SLC9A5: variants seen among roughly 807,000 people sequenced by gnomAD.
SLC9A5 encodes sodium/hydrogen exchanger 5.
A neutral mutation model predicts 91.7 loss-of-function variants in SLC9A5; 52 were observed. The observed-to-expected ratio is 0.57, with a 90% CI of 0.45 to 0.71. The LOEUF is 0.71. Ranked by LOEUF, SLC9A5 falls within the 30% of genes least tolerant of loss-of-function variation. SLC9A5 has a pLI of 0.00. For missense variants in SLC9A5, 871 were observed against 1,158.9 expected, an observed-to-expected ratio of 0.75 and a Z score of 3.61; for synonymous variants, 419 against 474.5, an observed-to-expected ratio of 0.88 and a Z score of 1.52.
intron 12 of SLC9A5, chr16:67,262,368 T>G: frequency 2.3e-6 from 1 of 431,444 alleles, no homozygotes; most frequent in Non-Finnish European, 4.7e-6. Context: ...CATCGAAATA[T>G]CATTAGAGAG....
rs767547443 is a variant in SLC9A5, at chr16:67,249,152, G to T, written c.138G>T (p.Ala46=). 1 of 1,562,708 alleles carries T rather than the reference G, an allele frequency of 6.4e-7. No homozygotes were observed. The highest frequency in any genetic ancestry group is 8.6e-7 in the Non-Finnish European group (1 of 1,160,216). ...GCTGGCAGTGGCACGAGGTGGAGGCGCCCTACCTGGTGGCCCTGTGGATCC... is the reference window on the plus strand; with the variant it reads ...GCTGGCAGTGGCACGAGGTGGAGGCTCCCTACCTGGTGGCCCTGTGGATCC... ...LFRWQWHEVE[A]PYLVALWILV... Residue 46 remains alanine, a synonymous_variant, in exon 1 of 16, where the codon GCG becomes GCT. Coordinates refer to ENST00000299798, the MANE Select transcript of SLC9A5 (RefSeq NM_004594.3).
At chr16:67,262,411 T>C (rs2035561704) in intron 12 of SLC9A5, 1 of 378,750 alleles carries the variant, frequency 2.6e-6, no homozygotes, top group East Asian at 7.3e-5. Flanking sequence ...GTTAGAAAGA[T>C]AAGATTATAG....
intron 12 of SLC9A5, among the ~76,000 whole-genome samples, chr16:67,260,814 C>A (rs896381721): frequency 1.3e-5 from 2 of 152,238 alleles, no homozygotes; most frequent in Admixed American, 6.5e-5. Context: ...AAAGGCCCAG[C>A]TCATCCAGGA....
chr16:67,264,999 A>G (rs1011756281), intron 13 of SLC9A5, 41 bp from the exon 14 acceptor site: 2 of 1,608,908 alleles, frequency 1.2e-6, no homozygotes, highest in Admixed American at 1.7e-5. Context: ...TGGGGTGGGA[A>G]GCCGGGGCCA....
Position 67,255,474 on chromosome 16 carries a change from C to A in SLC9A5, c.733+3C>A. 6.2e-7 allele frequency: 1 copy of A among 1,613,496 alleles called. No individual in the cohort carries two copies. Among genetic ancestry groups the A allele is most frequent in the South Asian group, 1.1e-5 (1 of 91,050 alleles). On this transcript the variant is annotated splice_donor_region_variant and intron_variant, in intron 4 of 15. Coordinates refer to ENST00000299798, the MANE Select transcript of SLC9A5 (RefSeq NM_004594.3). This position sits in a 1 kb window ranked among gnomAD's most constrained non-coding sequence, Gnocchi z 4.9. ...CACTGACTACCTGAAGGGAGTCGGT[C>A]AGTATTTCCCCGCTCCCAGCTGGCA...
chr16:67,266,945 C>A (rs2035732495), intron 15 of SLC9A5, among the ~76,000 whole-genome samples: 1 of 149,398 alleles, frequency 6.7e-6, no homozygotes, highest in African/African-American at 2.5e-5. Context: ...ACTCTGTCAC[C>A]CAGGCTGGAT....
At chr16:67,268,701 T>C (rs1306584509) in intron 15 of SLC9A5, among the ~76,000 whole-genome samples, 1 of 94,684 alleles carries the variant, frequency 1.1e-5, no homozygotes, top group Non-Finnish European at 2.1e-5. Flanking sequence ...TATATATATA[T>C]ATATATATAT....
rs374133289 is a variant in SLC9A5, at chr16:67,255,808, C to A, written c.789C>A (p.Phe263Leu). 1 of 1,604,736 alleles carries A rather than the reference C, an allele frequency of 6.2e-7. No homozygotes were observed. The highest frequency in any genetic ancestry group is 1.7e-5 in the Admixed American group (1 of 59,002). ...CAGCCGTGGGCTTAGTCTTTGCCTTCCTCCTGGCCCTGACCACACGCTTCA... is the reference window on the plus strand; with the variant it reads ...CAGCCGTGGGCTTAGTCTTTGCCTTACTCCTGGCCCTGACCACACGCTTCA... ...GGAAVGLVFA[F>L]LLALTTRFTK... Residue 263 changes from phenylalanine (F) to leucine (L), a missense_variant, in exon 5 of 16, where the codon TTC becomes TTA. Phe to Leu is a conservative substitution (Grantham distance 22, BLOSUM62 0). This residue lies in a region of SLC9A5 where 454 missense variants were observed against 718.3 expected (regional missense o/e 0.63). Coordinates refer to ENST00000299798, the MANE Select transcript of SLC9A5 (RefSeq NM_004594.3). The surrounding 1 kb of genome is among the most constrained non-coding windows in gnomAD (Gnocchi z 4.9).
chr16:67,265,231 C>T, intron 14 of SLC9A5, 125 bp downstream of exon 14: 1 of 813,900 alleles, frequency 1.2e-6, no homozygotes, highest in Non-Finnish European at 2.0e-6. Context: ...GGCTCTTCCT[C>T]CAGGGACTTG....
intron 15 of SLC9A5, among the ~76,000 whole-genome samples, chr16:67,269,613 C>T (rs149606772): frequency 1.8e-4 from 28 of 152,212 alleles, no homozygotes; most frequent in South Asian, 1.5e-3. Context: ...TTGTTGTTAT[C>T]GCATTTTAAT....
intron 15 of SLC9A5, among the ~76,000 whole-genome samples, chr16:67,267,180 G>A (rs538549500): frequency 2.0e-5 from 3 of 148,122 alleles, no homozygotes; most frequent in African/African-American, 7.5e-5. Context: ...TCTGCCTCTC[G>A]GGTTCAAGTG....
Position 67,257,368 on chromosome 16 carries a change from C to A in SLC9A5, c.1359C>A (p.Val453=). ...AGGGCTTGACCATCAAGCCACTGGT[C>A]AAATGGCTGAAGGTGAAGAGGAGTG... ...IVQGLTIKPL[V]KWLKVKRSEH... Residue 453 remains valine, a synonymous_variant, in exon 8 of 16, where the codon GTC becomes GTA. Transcript: ENST00000299798. The surrounding 1 kb of genome is among the most constrained non-coding windows in gnomAD (Gnocchi z 5.1). 1 of 1,614,170 alleles carries A rather than the reference C, an allele frequency of 6.2e-7. No individual in the cohort carries two copies. Among genetic ancestry groups the A allele is most frequent in the South Asian group, 1.1e-5 (1 of 91,066 alleles).
Position 67,255,076 on chromosome 16 carries a change from G to T in SLC9A5, c.546G>T (p.Ser182=), listed in dbSNP as rs757837075. The change falls in exon 3 of 16, where the codon TCG becomes TCT. Residue 182 remains serine (S), a synonymous_variant. Transcript: ENST00000299798. The surrounding 1 kb of genome is among the most constrained non-coding windows in gnomAD (Gnocchi z 4.9). Reference sequence around the variant, plus strand: ...TCCTGCTGTTTGGGAGCCTCATCTCGGCGGTGGACCCCGTGGCCGTGCTAG... The same window carrying T: ...TCCTGCTGTTTGGGAGCCTCATCTCTGCGGTGGACCCCGTGGCCGTGCTAG... ...LDFLLFGSLI[S]AVDPVAVLAV... The T allele has an allele frequency of 6.2e-7, 1 of 1,614,082 alleles. No homozygotes were observed. The highest frequency in any genetic ancestry group is 8.5e-7 in the Non-Finnish European group (1 of 1,180,000).
At chr16:67,260,379 AGT>A (rs1356114588) in intron 12 of SLC9A5, among the ~76,000 whole-genome samples, 1 of 145,354 alleles carries the variant, frequency 6.9e-6, no homozygotes, top group Non-Finnish European at 1.5e-5. Flanking sequence ...AAAAAAAAAG[AGT>A]GTGGGTTTTA....
Position 67,254,310 on chromosome 16 carries a change from C to T in SLC9A5, c.491-711C>T, listed in dbSNP as rs551640015. 4.6e-5 allele frequency among the ~76,000 whole-genome samples: 7 copies of T among 152,268 alleles called. No individual in the cohort carries two copies. In the South Asian group the frequency reaches 1.5e-3, roughly 32 times the overall value. Reference sequence around the variant, plus strand: ...GGAGAAAGCACTCTCTTTTGTTATTCCCCCTAATAAAAATAGTTAGCAGCC... The same window carrying T: ...GGAGAAAGCACTCTCTTTTGTTATTTCCCCTAATAAAAATAGTTAGCAGCC... On this transcript the variant is annotated intron_variant, in intron 2 of 15. Coordinates refer to ENST00000299798, the MANE Select transcript of SLC9A5 (RefSeq NM_004594.3).
At position 67,256,440 on chromosome 16, in the gene SLC9A5, A is replaced by G. The variant is rs544967722; in HGVS notation, c.912-29A>G. 7 of 1,539,758 alleles carry G rather than the reference A, an allele frequency of 4.5e-6. No individual in the cohort carries two copies. The East Asian group carries it at 1.6e-4, about 35-fold the overall frequency. On this transcript the variant is annotated intron_variant, in intron 5 of 15. Coordinates refer to ENST00000299798, the MANE Select transcript of SLC9A5 (RefSeq NM_004594.3). The surrounding 1 kb of genome is among the most constrained non-coding windows in gnomAD (Gnocchi z 4.1). ...GCTGAGCCCCCTGGAACCCTTCCCC[A>G]CTTGCCATGTCTCTCCATCCTCTCC...
Position 67,266,225 on chromosome 16 carries a change from G to A in SLC9A5, c.2218G>A (p.Gly740Arg). ...GGTTCTCCAAGAGGGCAAGGTCTCA[G>A]GTAATGGCTTCCTCCCTGCCCACCT... ...SEVLQEGKVSGSLEVCPSPRI... is the reference protein window; with the variant it reads ...SEVLQEGKVSRSLEVCPSPRI... The change falls in exon 15 of 16, where the codon GGA (glycine) becomes AGA (arginine). Residue 740 changes from glycine (G) to arginine (R), a missense_variant and splice_region_variant. Physicochemically the swap from Gly to Arg is moderately radical, Grantham distance 125. Coordinates refer to ENST00000299798, the MANE Select transcript of SLC9A5 (RefSeq NM_004594.3). The A allele has an allele frequency of 3.1e-6, 5 of 1,594,444 alleles. No individual in the cohort carries two copies. Among genetic ancestry groups the A allele is most frequent in the Non-Finnish European group, 4.3e-6 (5 of 1,171,752 alleles).
At chr16:67,262,165 C>A in intron 12 of SLC9A5, 1 of 407,766 alleles carries the variant, frequency 2.5e-6, no homozygotes, top group Non-Finnish European at 5.0e-6. Flanking sequence ...ATTTGTTAAG[C>A]CTGTTAACTT....
At position 67,252,591 on chromosome 16, in the gene SLC9A5, G is replaced by T; in HGVS notation, c.237G>T (p.Leu79=). 6.2e-7 allele frequency: 1 copy of T among 1,613,966 alleles called. No homozygotes were observed. Among genetic ancestry groups the T allele is most frequent in the South Asian group, 1.1e-5 (1 of 91,082 alleles). ...CATCTCTGGTCCCTGAGAGCTGCCTGCTGATTTTGCTGGGCCTGGTGCTAG... is the reference window on the plus strand; with the variant it reads ...CATCTCTGGTCCCTGAGAGCTGCCTTCTGATTTTGCTGGGCCTGGTGCTAG... ...KVTSLVPESC[L]LILLGLVLGG... is the part of the protein sequence containing the mutation. The change falls in exon 2 of 16, where the codon CTG becomes CTT. Residue 79 remains leucine, a synonymous_variant. Transcript: ENST00000299798. The surrounding 1 kb of genome is among the most constrained non-coding windows in gnomAD (Gnocchi z 4.0).
Sources: gnomAD v4.1 joint callset for allele counts (sites outside exome capture counted in the v4.1 genomes callset) on GRCh38, gnomAD v4.1.1 for gene constraint, gnomAD v4.1.1 regional missense constraint, Gnocchi (gnomAD v3.1) non-coding constraint, MANE v1.5 for transcripts, NCBI Gene and HGNC (gene_info 2026-07-23, HGNC 2026-07-21) for gene names.